OR56A3: variants seen among roughly 807,000 people sequenced by gnomAD.
OR56A3 encodes the protein olfactory receptor family 56 subfamily A member 3.
OR56A3 carries 23 observed loss-of-function variants against 17.5 expected under a neutral mutation model. That is an observed-to-expected ratio of 1.32 (90% confidence interval 0.95 to 1.87). The LOEUF (loss-of-function observed/expected upper bound fraction) is 1.87. Ranked by LOEUF, OR56A3 falls within the 40% of genes most tolerant of loss-of-function variation. The pLI is 0.00. For missense variants in OR56A3, 366 were observed against 380.1 expected (o/e 0.96, Z 0.31); for synonymous variants, 175 against 150.6 (o/e 1.16, Z -1.19).
the OR56A3 span, chr11:6,017,261 C>T: frequency 0.13 from 19,440 of 151,962 alleles, 1,545 homozygotes; most frequent in Non-Finnish European, 0.18. Context: ...AAGTAATTGC[C>T]GAAAACTCTC....
chr11:6,004,963 C>A, the OR56A3 span, among the ~76,000 whole-genome samples: 1 of 152,116 alleles, frequency 6.6e-6, no homozygotes, highest in Non-Finnish European at 1.5e-5. Context: ...ATTTATAGTG[C>A]AATACAGTTG....
chr11:5,958,712 A>G, the OR56A3 span, among the ~76,000 whole-genome samples: 5 of 152,122 alleles, frequency 3.3e-5, no homozygotes. Context: ...CATGCTGTAC[A>G]ATAGATCTCT....
At chr11:5,942,617 T>G (rs1384504271) in intron 1 of OR56A3, among the ~76,000 whole-genome samples, 3 of 152,202 alleles carry the variant, frequency 2.0e-5, no homozygotes, top group Non-Finnish European at 4.4e-5. Flanking sequence ...AAAGTTAGAA[T>G]TACATTAGTT....
the OR56A3 span, chr11:6,020,165 C>T: frequency 2.0e-5 from 3 of 152,098 alleles, no homozygotes; most frequent in South Asian, 6.2e-4. Context: ...AAAAGCTAAG[C>T]AGAAAATACA....
intron 2 of OR56A3, 100 bp from the exon 3 acceptor site, chr11:5,947,211 C>A: frequency 2.6e-6 from 2 of 774,962 alleles, no homozygotes; most frequent in Non-Finnish European, 4.1e-6. Flanking sequence ...CTTGGCTCTA[C>A]ATAACCTGCT....
At chr11:5,974,241 G>A in the OR56A3 span, among the ~76,000 whole-genome samples, 2 of 151,890 alleles carry the variant, frequency 1.3e-5, no homozygotes, top group African/African-American at 4.8e-5. Flanking sequence ...CGAGTAGCTG[G>A]GATTACAGGC....
At chr11:5,977,187 A>G in the OR56A3 span, among the ~76,000 whole-genome samples, 5 of 152,168 alleles carry the variant, frequency 3.3e-5, no homozygotes, top group African/African-American at 1.2e-4. Flanking sequence ...AAATGCATGT[A>G]TCTTCATCGT....
the OR56A3 span, among the ~76,000 whole-genome samples, chr11:5,974,914 C>G: frequency 6.6e-6 from 1 of 152,208 alleles, no homozygotes; most frequent in African/African-American, 2.4e-5. Flanking sequence ...TAGTTACTAT[C>G]AATTGCACTA....
At chr11:6,016,492 T>G in the OR56A3 span, among the ~76,000 whole-genome samples, 1 of 152,006 alleles carries the variant, frequency 6.6e-6, no homozygotes, top group Non-Finnish European at 1.5e-5. Context: ...TATAGTTACA[T>G]GCACACACAC....
At chr11:5,965,585 A>T in the OR56A3 span, among the ~76,000 whole-genome samples, 1 of 152,238 alleles carries the variant, frequency 6.6e-6, no homozygotes, top group African/African-American at 2.4e-5. Context: ...AAATAAGAAG[A>T]TGTGCACACA....
the OR56A3 span, among the ~76,000 whole-genome samples, chr11:5,958,484 T>G: frequency 1.3e-5 from 2 of 152,094 alleles, no homozygotes; most frequent in Non-Finnish European, 2.9e-5. Context: ...TTACAAGTAA[T>G]AAGAATAAAA....
the OR56A3 span, among the ~76,000 whole-genome samples, chr11:5,961,307 G>C: frequency 6.6e-6 from 1 of 152,244 alleles, no homozygotes; most frequent in Non-Finnish European, 1.5e-5. Context: ...TTGTCCAATA[G>C]AAAAGGGGGA....
the OR56A3 span, chr11:5,986,730 G>C: frequency 5.0e-6 from 8 of 1,613,842 alleles, no homozygotes; most frequent in Non-Finnish European, 8.5e-7. Context: ...GGTCCATCCA[G>C]ATGATGAAGA....
At chr11:5,979,090 T>A in the OR56A3 span, among the ~76,000 whole-genome samples, 1 of 152,106 alleles carries the variant, frequency 6.6e-6, no homozygotes, top group Non-Finnish European at 1.5e-5. Flanking sequence ...ATTAGCTTTT[T>A]GATGTGCTGC....
chr11:5,994,008 G>T, the OR56A3 span: 1 of 458,786 alleles, frequency 2.2e-6, no homozygotes, highest in South Asian at 1.6e-5. Context: ...TGAAATCTTT[G>T]CTGTCTTCCA....
At chr11:5,962,230 C>G in the OR56A3 span, among the ~76,000 whole-genome samples, 1 of 152,244 alleles carries the variant, frequency 6.6e-6, no homozygotes, top group East Asian at 1.9e-4. Flanking sequence ...ATTCTTGCAT[C>G]TCTGGATTGG....
chr11:6,021,769 A>G, the OR56A3 span: 1 of 152,270 alleles, frequency 6.6e-6, no homozygotes, highest in South Asian at 2.1e-4. Context: ...ATTGAAAACA[A>G]TGATCAGGAG....
At chr11:5,971,425 C>T in the OR56A3 span, among the ~76,000 whole-genome samples, 5 of 152,198 alleles carry the variant, frequency 3.3e-5, no homozygotes, top group South Asian at 4.1e-4. Context: ...TAGTCCCCAT[C>T]TACGATTGTG....
chr11:5,988,209 G>T, the OR56A3 span, among the ~76,000 whole-genome samples: 8 of 152,108 alleles, frequency 5.3e-5, no homozygotes, highest in Non-Finnish European at 1.2e-4. Context: ...CATTGCCTAT[G>T]TCAGATGAAT....
Sources: allele counts gnomAD v4.1 joint callset (sites outside exome capture counted in the v4.1 genomes callset), GRCh38; gene constraint gnomAD v4.1.1; transcripts MANE v1.5; gene names NCBI Gene and HGNC (gene_info 2026-07-23, HGNC 2026-07-21).